TMEM63C: variants seen among roughly 807,000 people sequenced by gnomAD.
TMEM63C encodes the protein transmembrane protein 63C, also known as osmosensitive cation channel TMEM63C.
TMEM63C carries 32 observed loss-of-function variants against 99.2 expected under a neutral mutation model. The observed-to-expected ratio is 0.32, with a 90% confidence interval of 0.24 to 0.43. The LOEUF (loss-of-function observed/expected upper bound fraction) is 0.43. Among genes scored for constraint, TMEM63C ranks in the 20% least tolerant of loss-of-function variants. The probability of loss-of-function intolerance (pLI) is 1.00; values close to 1 mark genes in which losing one functional copy is unlikely to be tolerated. For missense variants in TMEM63C, 826 were observed against 1,053.0 expected, an observed-to-expected ratio of 0.78 and a Z score of 2.98; for synonymous variants, 376 against 397.9, an observed-to-expected ratio of 0.94 and a Z score of 0.66.
At chr14:77,242,098 G>C (rs1889186777) in intron 13 of TMEM63C, among the ~76,000 whole-genome samples, 1 of 152,228 alleles carries the variant, frequency 6.6e-6, no homozygotes, top group African/African-American at 2.4e-5. Context: ...ACAGAACCAC[G>C]TGGCACCTCT....
At chr14:77,215,843 C>T (rs1461075824) in intron 2 of TMEM63C, among the ~76,000 whole-genome samples, 3 of 152,156 alleles carry the variant, frequency 2.0e-5, no homozygotes, top group Non-Finnish European at 4.4e-5. Flanking sequence ...ACTTCTTCTA[C>T]TGAATCATTC....
intron 1 of TMEM63C, among the ~76,000 whole-genome samples, chr14:77,184,165 G>C (rs891470124): frequency 6.6e-6 from 1 of 152,082 alleles, no homozygotes; most frequent in African/African-American, 2.4e-5. Flanking sequence ...TTCCTGCCTT[G>C]ATGGGGGAAA....
At chr14:77,207,698 A>T (rs1193840533) in intron 1 of TMEM63C, among the ~76,000 whole-genome samples, 1 of 152,182 alleles carries the variant, frequency 6.6e-6, no homozygotes, top group African/African-American at 2.4e-5. Context: ...GCTACCTCTC[A>T]TGTTGCTTGT....
intron 2 of TMEM63C, among the ~76,000 whole-genome samples, chr14:77,216,273 C>T (rs1202594737): frequency 2.6e-5 from 4 of 152,208 alleles, no homozygotes; most frequent in African/African-American, 9.6e-5. Flanking sequence ...TCCTTCCTCA[C>T]TGGCTGCTAC....
intron 1 of TMEM63C, among the ~76,000 whole-genome samples, chr14:77,199,113 G>C (rs1888255864): frequency 6.6e-6 from 1 of 152,164 alleles, no homozygotes; most frequent in Non-Finnish European, 1.5e-5. Flanking sequence ...GGGCAATCAG[G>C]GGTGCCGGAG....
chr14:77,256,479 GC>G lies in TMEM63C; in HGVS notation c.2221-42del, dbSNP rs1366317892. 2.5e-6 allele frequency: 4 copies of G among 1,595,030 alleles called. No homozygotes were observed. The East Asian group carries it at 6.7e-5, about 27-fold the overall frequency. ...GGGGAGAGGGTGTGCCCAGGGCCTT[GC>G]CCCCAACGTGACCTTGCTCCTGTCC... On this transcript the variant is annotated intron_variant, in intron 23 of 23. Transcript: ENST00000298351.
chr14:77,202,382 G>A (rs1888313605), intron 1 of TMEM63C, among the ~76,000 whole-genome samples: 1 of 151,602 alleles, frequency 6.6e-6, no homozygotes, highest in African/African-American at 2.4e-5. Flanking sequence ...GGCTTCCCAG[G>A]GCCCTGCAAC....
intron 6 of TMEM63C, among the ~76,000 whole-genome samples, chr14:77,226,246 A>AC (rs1888822569): frequency 6.6e-6 from 1 of 150,474 alleles, no homozygotes; most frequent in Admixed American, 6.6e-5. Context: ...CCTCCACCCC[A>AC]CCCCTACCCA....
At chr14:77,193,727 G>T (rs945847654) in intron 1 of TMEM63C, among the ~76,000 whole-genome samples, 20 of 152,022 alleles carry the variant, frequency 1.3e-4, no homozygotes, top group Admixed American at 7.2e-4. Flanking sequence ...CCAGCTACTC[G>T]GGAGGCTGAG....
At chr14:77,197,897 A>G (rs1198960025) in intron 1 of TMEM63C, among the ~76,000 whole-genome samples, 1 of 152,206 alleles carries the variant, frequency 6.6e-6, no homozygotes, top group African/African-American at 2.4e-5. Context: ...GCAGTCACCT[A>G]CAGCCCACAT....
intron 3 of TMEM63C, 30 bp from the exon 4 acceptor site, chr14:77,219,468 C>T: frequency 6.2e-7 from 1 of 1,612,550 alleles, no homozygotes; most frequent in Non-Finnish European, 8.5e-7. Flanking sequence ...ATGAAGTCTC[C>T]CACCCCACAT....
chr14:77,198,282 G>C (rs536349123), intron 1 of TMEM63C, among the ~76,000 whole-genome samples: 1 of 152,366 alleles, frequency 6.6e-6, no homozygotes, highest in South Asian at 2.1e-4. Flanking sequence ...TCTTGGGACA[G>C]AGAACTCAGC....
chr14:77,223,049 G>T (rs1350599901), intron 5 of TMEM63C, among the ~76,000 whole-genome samples: 1 of 152,118 alleles, frequency 6.6e-6, no homozygotes, highest in Non-Finnish European at 1.5e-5. Context: ...CCCTCGAGAG[G>T]CGGGGTCCTT....
chr14:77,235,427 A>G (rs749215817), intron 8 of TMEM63C, among the ~76,000 whole-genome samples: 2,509 of 45,160 alleles, frequency 0.056, 438 homozygotes, highest in Admixed American at 0.11. Context: ...ATGGGTGGGG[A>G]AGGTGTCCAG....
intron 1 of TMEM63C, among the ~76,000 whole-genome samples, chr14:77,193,759 G>A (rs1888150726): frequency 6.6e-6 from 1 of 151,932 alleles, no homozygotes; most frequent in African/African-American, 2.4e-5. Flanking sequence ...GCTTGAACCC[G>A]GGAGGCAGAA....
intron 3 of TMEM63C, 137 bp from the exon 4 acceptor site, chr14:77,219,361 A>G: frequency 1.2e-6 from 1 of 828,696 alleles, no homozygotes; most frequent in Non-Finnish European, 2.0e-6. Context: ...CCCCTACTCC[A>G]ACAGAGCTCA....
chr14:77,226,892 C>T lies in TMEM63C; in HGVS notation c.350+1431C>T, dbSNP rs139666968. Among the ~76,000 whole-genome samples the T allele has an allele frequency of 1.3e-3, 193 of 152,036 alleles. 1 individual carries two copies. Among genetic ancestry groups the T allele is most frequent in the African/African-American group, 4.5e-3 (187 of 41,440 alleles). On this transcript the variant is annotated intron_variant, in intron 6 of 23. Coordinates refer to ENST00000298351, the MANE Select transcript of TMEM63C (RefSeq NM_020431.4). The stretch of plus-strand genomic sequence containing the variant: ...AAGCAATTCTCCTGCCTCAGCCTCC[C>T]GAGTAGCTGGGATTAGAGGCACGTG...
At chr14:77,202,270 C>T (rs1357854205) in intron 1 of TMEM63C, among the ~76,000 whole-genome samples, 1 of 145,000 alleles carries the variant, frequency 6.9e-6, no homozygotes, top group Admixed American at 7.0e-5. Flanking sequence ...AACCAAATAC[C>T]CCTCAAAACA....
intron 14 of TMEM63C, 90 bp from the exon 15 acceptor site, chr14:77,242,813 G>A (rs1405943123): frequency 6.7e-7 from 1 of 1,496,346 alleles, no homozygotes; most frequent in East Asian, 2.3e-5. Context: ...ACCAGGGCAG[G>A]CTGGGTCCAC....
Sources: gnomAD v4.1 joint callset for allele counts (sites outside exome capture counted in the v4.1 genomes callset) on GRCh38, gnomAD v4.1.1 for gene constraint, MANE v1.5 for transcripts, NCBI Gene and HGNC (gene_info 2026-07-23, HGNC 2026-07-21) for gene names.